The following WBP1L variants were observed in gnomAD, a reference collection of about 807,000 sequenced individuals.
WBP1L encodes WW domain binding protein 1-like.
In WBP1L, 17 loss-of-function variants were observed where a neutral mutation model predicts 33.7. The ratio of observed to expected loss-of-function variants is 0.50; its 90% CI spans 0.34 to 0.76. The LOEUF is 0.76. WBP1L is among the 30% of genes least tolerant of loss of function. The pLI, the probability that WBP1L is intolerant of heterozygous loss-of-function variation, is 0.01. For missense variants in WBP1L, 389 were observed against 469.4 expected (o/e 0.83, Z 1.58); for synonymous variants, 173 against 190.8 (o/e 0.91, Z 0.77).
intron 1 of WBP1L, among the ~76,000 whole-genome samples, chr10:102,784,089 C>G (rs904096184): frequency 6.6e-6 from 1 of 152,108 alleles, no homozygotes; most frequent in African/African-American, 2.4e-5. Flanking sequence ...CCAAGCCCAT[C>G]TGAAATATGG....
intron 1 of WBP1L, among the ~76,000 whole-genome samples, chr10:102,796,620 T>C (rs1023653297): frequency 6.6e-6 from 1 of 152,242 alleles, no homozygotes; most frequent in Non-Finnish European, 1.5e-5. Flanking sequence ...CCGCAAATAC[T>C]GTGGCTTTAG....
rs1297614048 is a variant in WBP1L, at chr10:102,764,651, C to G, written c.90+20508C>G. ...GTGGACATATTTGTTCCAGGAGCTT[C>G]CCCACCCTCTACAACTTATTGGAGG... On this transcript the variant is annotated intron_variant, in intron 1 of 3. Transcript: ENST00000448841. Among the ~76,000 whole-genome samples, 3 of 152,160 alleles carry G rather than the reference C, an allele frequency of 2.0e-5. No homozygotes were observed. In the South Asian group the frequency reaches 6.2e-4, roughly 31 times the overall value.
chr10:102,781,857 G>GT (rs1439364305), intron 1 of WBP1L, among the ~76,000 whole-genome samples: 27 of 127,730 alleles, frequency 2.1e-4, no homozygotes, highest in African/African-American at 7.8e-4. Context: ...GCCCTTTCAG[G>GT]TTAATTTTTT....
chr10:102,792,767 G>A (rs1843520668), intron 1 of WBP1L, among the ~76,000 whole-genome samples: 3 of 151,770 alleles, frequency 2.0e-5, no homozygotes, highest in African/African-American at 7.3e-5. Context: ...GCTAATTTTT[G>A]TATCTTTAGT....
At chr10:102,758,481 T>C (rs1564754505) in intron 1 of WBP1L, among the ~76,000 whole-genome samples, 1 of 152,258 alleles carries the variant, frequency 6.6e-6, no homozygotes. Context: ...TGTGGTCTTT[T>C]ATGACTGGTT....
chr10:102,757,954 C>T lies in WBP1L; in HGVS notation c.90+13811C>T, dbSNP rs1426551142. Among the ~76,000 whole-genome samples, 10 of 139,580 alleles carry T rather than the reference C, an allele frequency of 7.2e-5. No homozygotes were observed. The Admixed American group carries it at 7.8e-4, about 11-fold the overall frequency. 91.6% of individuals were successfully genotyped at this position (139,580 alleles called of 152,430 possible). ...AGGCTGAAGTGCAATGGCACGATCT[C>T]GGCTCACTGTAACCTCCGCTTCCCA... is the stretch of plus-strand genomic sequence containing the variant. On this transcript the variant is annotated intron_variant, in intron 1 of 3. Coordinates refer to ENST00000448841, the MANE Select transcript of WBP1L (RefSeq NM_001083913.2).
intron 1 of WBP1L, among the ~76,000 whole-genome samples, chr10:102,795,050 G>C (rs1261342276): frequency 6.6e-6 from 1 of 152,168 alleles, no homozygotes; most frequent in East Asian, 1.9e-4. Flanking sequence ...GCCACAACTT[G>C]TGATGGTTCA....
chr10:102,804,431 T>C (rs1366251333), intron 2 of WBP1L, among the ~76,000 whole-genome samples: 1 of 147,556 alleles, frequency 6.8e-6, no homozygotes, highest in African/African-American at 2.5e-5. Flanking sequence ...AAAAAAAAAT[T>C]ATACTTCTGG....
intron 2 of WBP1L, chr10:102,803,848 T>A (rs1183293113): frequency 1.3e-5 from 2 of 151,986 alleles, no homozygotes; most frequent in Admixed American, 6.6e-5. Context: ...TCGCCCGCCT[T>A]GTCCTCCCAA....
chr10:102,800,078 A>G (rs1431290135), intron 2 of WBP1L, among the ~76,000 whole-genome samples: 2 of 152,150 alleles, frequency 1.3e-5, no homozygotes, highest in Non-Finnish European at 2.9e-5. Flanking sequence ...CATTGTTGCT[A>G]TTTTAGAAGG....
chr10:102,797,772 C>T (rs541409362), intron 1 of WBP1L, among the ~76,000 whole-genome samples: 2 of 152,068 alleles, frequency 1.3e-5, no homozygotes, highest in East Asian at 3.9e-4. Context: ...AGGCTGGTCT[C>T]GAACTCCTGA....
rs1843890411 is a variant in WBP1L at position 102,814,013 on chromosome 10, T to C, written c.*682T>C. The C allele has an allele frequency of 6.6e-6, 1 of 152,258 alleles. No individual in the cohort carries two copies. Among genetic ancestry groups the C allele is most frequent in the Non-Finnish European group, 1.5e-5 (1 of 68,070 alleles). The allele number at this position is 152,258 out of a possible 1,614,324, so 9.4% of individuals were successfully genotyped here. A position where few individuals can be genotyped will look rare whatever the true frequency, so the allele number is the denominator to read the frequency against. The stretch of plus-strand genomic sequence containing the variant: ...GGCTGGCCGCAGGCTGGTTCTGGTG[T>C]GAAAGGTTATACTGCCTTTTCTTTG... On this transcript the variant is annotated 3_prime_UTR_variant, in exon 4 of 4. Coordinates refer to ENST00000448841, the MANE Select transcript of WBP1L (RefSeq NM_001083913.2).
intron 1 of WBP1L, among the ~76,000 whole-genome samples, chr10:102,792,459 G>T (rs1042922428): frequency 6.6e-6 from 1 of 152,042 alleles, no homozygotes; most frequent in Non-Finnish European, 1.5e-5. Context: ...GTACAGAGTG[G>T]TCCCCACCTA....
At chr10:102,790,713 A>G (rs554602274) in intron 1 of WBP1L, among the ~76,000 whole-genome samples, 1 of 151,976 alleles carries the variant, frequency 6.6e-6, no homozygotes, top group South Asian at 2.1e-4. Context: ...GGATTTCACT[A>G]TGTTGGCCAG....
intron 3 of WBP1L, among the ~76,000 whole-genome samples, chr10:102,810,900 C>T (rs966024312): frequency 2.8e-5 from 4 of 140,752 alleles, no homozygotes; most frequent in African/African-American, 5.1e-5. Flanking sequence ...CCTTTCCCTC[C>T]CCTCCCCTCC....
intron 2 of WBP1L, among the ~76,000 whole-genome samples, chr10:102,804,284 A>T (rs1396239867): frequency 6.7e-6 from 1 of 148,638 alleles, no homozygotes; most frequent in Non-Finnish European, 1.5e-5. Context: ...GCTACTTGGG[A>T]GGCTGAGGCA....
chr10:102,810,467 T>C (rs1442595032), intron 3 of WBP1L, among the ~76,000 whole-genome samples: 5 of 76,400 alleles, frequency 6.5e-5, no homozygotes, highest in African/African-American at 2.4e-4. Flanking sequence ...TTTTCCTTCC[T>C]TCCTTCCCTC....
intron 1 of WBP1L, among the ~76,000 whole-genome samples, chr10:102,782,214 C>CTTT (rs397961661): frequency 0.26 from 12,547 of 49,024 alleles, 2,538 homozygotes; most frequent in African/African-American, 0.33. Flanking sequence ...AAAGAAGCTG[C>CTTT]TTTTTTTTTT....
intron 1 of WBP1L, among the ~76,000 whole-genome samples, chr10:102,757,569 CTTTTT>C (rs60213859): frequency 2.3e-5 from 2 of 88,786 alleles, no homozygotes; most frequent in East Asian, 4.4e-4. Context: ...GTTTCTGAGC[CTTTTT>C]TTTTTTTTTT....
Sources: gnomAD v4.1 joint callset for allele counts (sites outside exome capture counted in the v4.1 genomes callset) on GRCh38, gnomAD v4.1.1 for gene constraint, MANE v1.5 for transcripts, NCBI Gene and HGNC (gene_info 2026-07-23, HGNC 2026-07-21) for gene names.